Variants in ATP6V1B2 observed in about 807,000 individuals in gnomAD.
The protein encoded by ATP6V1B2 is ATPase H+ transporting V1 subunit B2.
A neutral mutation model predicts 66.7 loss-of-function variants in ATP6V1B2; 23 were observed. That is an observed-to-expected ratio of 0.34 (90% CI 0.25 to 0.49). The LOEUF is 0.49. Among genes scored for constraint, ATP6V1B2 ranks in the 20% least tolerant of loss-of-function variants. The pLI is 0.99. For synonymous variants in ATP6V1B2, 278 were observed against 236.7 expected, an observed-to-expected ratio of 1.17 and a Z score of -1.60; for missense variants, 478 against 650.8, an observed-to-expected ratio of 0.73 and a Z score of 2.89.
intron 2 of ATP6V1B2, among the ~76,000 whole-genome samples, chr8:20,208,836 C>G (rs1308625649): frequency 6.6e-6 from 1 of 151,634 alleles, no homozygotes; most frequent in African/African-American, 2.4e-5. Context: ...TCCTGAGTAG[C>G]TGGGATTACA....
At position 20,214,862 on chromosome 8, in the gene ATP6V1B2, A is replaced by G. The variant is rs1447040697; in HGVS notation, c.972A>G (p.Pro324=). The change falls in exon 10 of 14, where the codon CCA becomes CCG. Residue 324 remains proline (P), a synonymous_variant. Transcript: ENST00000276390. ...AGGTACCTGGTCGACGAGGTTTTCC[A>G]GGTTACATGTATACAGATTTAGCCA... The part of the protein sequence containing the change: ...REEVPGRRGF[P]GYMYTDLATI... 2.5e-6 allele frequency: 4 copies of G among 1,612,574 alleles called. No homozygotes were observed. Among genetic ancestry groups the G allele is most frequent in the African/African-American group, 2.7e-5 (2 of 74,804 alleles).
intron 1 of ATP6V1B2, among the ~76,000 whole-genome samples, chr8:20,200,659 C>T (rs966324379): frequency 1.3e-5 from 2 of 152,176 alleles, no homozygotes; most frequent in Non-Finnish European, 2.9e-5. Flanking sequence ...CAACAACATA[C>T]ATAGAGCTTT....
intron 1 of ATP6V1B2, among the ~76,000 whole-genome samples, chr8:20,200,256 G>C (rs1057195528): frequency 2.6e-5 from 4 of 151,898 alleles, no homozygotes; most frequent in Admixed American, 2.0e-4. Context: ...GAGCTCAAGA[G>C]ATCCGCCCGC....
intron 8 of ATP6V1B2, 112 bp from the exon 9 acceptor site, chr8:20,212,670 C>A: frequency 7.0e-7 from 1 of 1,430,784 alleles, no homozygotes; most frequent in East Asian, 2.3e-5. Flanking sequence ...CTCCTCAATT[C>A]ATTTAAAACT....
intron 1 of ATP6V1B2, among the ~76,000 whole-genome samples, chr8:20,199,634 A>C (rs967326549): frequency 9.5e-6 from 1 of 105,456 alleles, no homozygotes; most frequent in African/African-American, 3.7e-5. Flanking sequence ...TTTGAGATGG[A>C]GTCTCGCTCT....
chr8:20,210,545 T>C lies in ATP6V1B2; in HGVS notation c.386-24T>C, dbSNP rs189260463. ...CATTTGAAAGTCAGCATCTACTCTGTCCTGTCTTCTTACTGATTTCTAGGT... is the reference window on the plus strand; with the variant it reads ...CATTTGAAAGTCAGCATCTACTCTGCCCTGTCTTCTTACTGATTTCTAGGT... On this transcript the variant is annotated intron_variant, in intron 4 of 13. Transcript: ENST00000276390. The C allele has an allele frequency of 1.1e-3, 1,826 of 1,612,292 alleles. 14 individuals carry two copies. The African/African-American group carries it at 0.021, about 19-fold the overall frequency.
At chr8:20,201,052 C>T (rs978859342) in intron 1 of ATP6V1B2, among the ~76,000 whole-genome samples, 7 of 152,162 alleles carry the variant, frequency 4.6e-5, no homozygotes, top group Non-Finnish European at 1.5e-5. Flanking sequence ...AATATGTGCT[C>T]CTTAAAACCC....
At position 20,212,993 on chromosome 8, in the gene ATP6V1B2, G is replaced by T. The variant is rs1042219055; in HGVS notation, c.927+88G>T. Reference sequence around the variant, plus strand: ...CACTTTGCAAGTTTTCATTCTTTATGGTTTTTTAATTCCACTGTTCATATA... The same window carrying T: ...CACTTTGCAAGTTTTCATTCTTTATTGTTTTTTAATTCCACTGTTCATATA... On this transcript the variant is annotated intron_variant, in intron 9 of 13. Transcript: ENST00000276390. 2.3e-5 allele frequency: 36 copies of T among 1,541,434 alleles called. No individual in the cohort carries two copies. In the Admixed American group the frequency reaches 6.5e-4, roughly 28 times the overall value.
At chr8:20,200,057 C>T (rs1350886702) in intron 1 of ATP6V1B2, among the ~76,000 whole-genome samples, 1 of 151,788 alleles carries the variant, frequency 6.6e-6, no homozygotes, top group Non-Finnish European at 1.5e-5. Context: ...GGCTGGAGTG[C>T]AGTGGTGTGA....
chr8:20,199,725 G>A (rs1349248110), intron 1 of ATP6V1B2, among the ~76,000 whole-genome samples: 3 of 148,762 alleles, frequency 2.0e-5, no homozygotes, highest in Non-Finnish European at 3.0e-5. Flanking sequence ...ATTCTCCTGC[G>A]TCAGCCTTTC....
chr8:20,211,281 C>T lies in ATP6V1B2; in HGVS notation c.568C>T (p.Pro190Ser). The T allele has an allele frequency of 6.2e-7, 1 of 1,613,132 alleles. No homozygotes were observed. The highest frequency in any genetic ancestry group is 8.5e-7 in the Non-Finnish European group (1 of 1,179,708). Residue 190 changes from proline to serine, a missense_variant, in exon 6 of 14, where the codon CCT becomes TCT. Pro to Ser is a moderately conservative substitution (Grantham distance 74). This residue lies in a region of ATP6V1B2 where 326 missense variants were observed against 545.6 expected (regional missense o/e 0.60). Coordinates refer to ENST00000276390, the MANE Select transcript of ATP6V1B2 (RefSeq NM_001693.4). ...MNSIARGQKI[P>S]IFSAAGLPHN... ...CAGTATTGCTAGGGGGCAGAAAATT[C>T]CTATCTTCTCTGCTGCTGGGCTACC... is the stretch of plus-strand genomic sequence containing the variant.
rs142076929 is a variant in ATP6V1B2 at position 20,198,944 on chromosome 8, T to C, written c.136+1402T>C. On this transcript the variant is annotated intron_variant, in intron 1 of 13. Transcript: ENST00000276390. ...TTGGCAATAAATTTATACCTACGAA[T>C]TACAAATTCTCTTTTATTAATTGCG... Among the ~76,000 whole-genome samples, 1,354 of 152,332 alleles carry C rather than the reference T, an allele frequency of 8.9e-3. 22 individuals are homozygous for C. Among genetic ancestry groups the C allele is most frequent in the African/African-American group, 0.031 (1,281 of 41,570 alleles).
At chr8:20,214,526 T>C in intron 9 of ATP6V1B2, 1 of 218,142 alleles carries the variant, frequency 4.6e-6, no homozygotes, top group East Asian at 1.0e-4. Context: ...TTAACTTCCT[T>C]TGATTTATAA....
At position 20,221,636 on chromosome 8, in the gene ATP6V1B2, T is replaced by C. The variant is rs1000161772; in HGVS notation, c.*1234T>C. The stretch of plus-strand genomic sequence containing the variant: ...GGGAGTCAGCATGATTATATTTTAA[T>C]GTAGAAAATGTGACATCTGGATATA... On this transcript the variant is annotated 3_prime_UTR_variant, in exon 14 of 14. Coordinates refer to ENST00000276390, the MANE Select transcript of ATP6V1B2 (RefSeq NM_001693.4). The C allele has an allele frequency of 1.3e-5, 2 of 152,646 alleles. No homozygotes were observed. Among genetic ancestry groups the C allele is most frequent in the African/African-American group, 4.8e-5 (2 of 41,446 alleles). 9.5% of individuals were successfully genotyped at this position (152,646 alleles called of 1,614,324 possible).
chr8:20,215,119 A>G lies in ATP6V1B2; in HGVS notation c.1078+151A>G, dbSNP rs2072840241. On this transcript the variant is annotated intron_variant, in intron 10 of 13. Transcript: ENST00000276390. ...TAAATAAAACATTTTTCATTTGAAAATTACCCACAGTTATTATCCTATTGT... is the reference window on the plus strand; with the variant it reads ...TAAATAAAACATTTTTCATTTGAAAGTTACCCACAGTTATTATCCTATTGT... 10 of 904,148 alleles carry G rather than the reference A, an allele frequency of 1.1e-5. No homozygotes were observed. In the South Asian group the frequency reaches 2.2e-4, roughly 20 times the overall value. 56.0% of individuals were successfully genotyped at this position (904,148 alleles called of 1,614,324 possible). A position where few individuals can be genotyped will look rare whatever the true frequency, so the allele number is the denominator to read the frequency against.
At position 20,212,162 on chromosome 8, in the gene ATP6V1B2, A is replaced by T; in HGVS notation, c.766A>T (p.Asn256Tyr). The change falls in exon 8 of 14, where the codon AAT becomes TAT. Residue 256 changes from asparagine (N) to tyrosine (Y), a missense_variant. By Grantham distance (143) the Asn-to-Tyr change is moderately radical. Coordinates refer to ENST00000276390, the MANE Select transcript of ATP6V1B2 (RefSeq NM_001693.4). Reference protein sequence around the residue: ...SDFEENGSMDNVCLFLNLAND... With the variant: ...SDFEENGSMDYVCLFLNLAND... The stretch of plus-strand genomic sequence containing the variant: ...CTTTGAAGAAAATGGCTCAATGGAC[A>T]ATGTCTGCCTCTTTTTGAACTTGGC... The T allele has an allele frequency of 1.9e-6, 3 of 1,613,714 alleles. No individual in the cohort carries two copies. Among genetic ancestry groups the T allele is most frequent in the Non-Finnish European group, 2.5e-6 (3 of 1,179,780 alleles).
Position 20,214,823 on chromosome 8 carries a change from A to G in ATP6V1B2, c.933A>G (p.Ser311=). 1 of 1,611,280 alleles carries G rather than the reference A, an allele frequency of 6.2e-7. No individual in the cohort carries two copies. Among genetic ancestry groups the G allele is most frequent in the Non-Finnish European group, 8.5e-7 (1 of 1,178,590 alleles). The stretch of plus-strand genomic sequence containing the variant: ...TCTGCTTGACCTGCTGTCAGGTTTC[A>G]GCAGCCAGGGAAGAGGTACCTGGTC... ...SSYAEALREV[S]AAREEVPGRR... The change falls in exon 10 of 14, where the codon TCA becomes TCG. Residue 311 remains serine, a synonymous_variant. Transcript: ENST00000276390.
intron 10 of ATP6V1B2, chr8:20,215,932 A>G (rs1240448121): frequency 1.3e-5 from 2 of 153,332 alleles, no homozygotes; most frequent in Non-Finnish European, 2.9e-5. Flanking sequence ...TTCTTAGTAT[A>G]CATCAGGTTG....
At chr8:20,207,655 TAAAGGACCACAG>T (rs1355519207) in intron 2 of ATP6V1B2, among the ~76,000 whole-genome samples, 1 of 151,852 alleles carries the variant, frequency 6.6e-6, no homozygotes, top group Non-Finnish European at 1.5e-5. Flanking sequence ...CATAAATTTG[TAAAGGACCACAG>T]TATGTTTTAT....
Sources: gnomAD v4.1 joint callset for allele counts (sites outside exome capture counted in the v4.1 genomes callset) on GRCh38, gnomAD v4.1.1 for gene constraint, gnomAD v4.1.1 regional missense constraint, MANE v1.5 for transcripts, NCBI Gene and HGNC (gene_info 2026-07-23, HGNC 2026-07-21) for gene names.